The following CYBA variants were observed in gnomAD, a reference collection of about 807,000 sequenced individuals.
CYBA encodes cytochrome b-245 alpha chain, also known as cytochrome b-245 light chain.
In CYBA, 21 loss-of-function variants were observed where a neutral mutation model predicts 20.8. The observed-to-expected ratio is 1.01, with a 90% CI of 0.72 to 1.46. The LOEUF (loss-of-function observed/expected upper bound fraction) is 1.46. CYBA is among the 40% of genes most tolerant of loss of function. The pLI is 0.00. For missense variants in CYBA, 344 were observed against 287.0 expected (o/e 1.20, Z -1.43); for synonymous variants, 164 against 127.5 (o/e 1.29, Z -1.93).
chr16:88,650,702 G>A, intron 1 of CYBA: 1 of 617,462 alleles, frequency 1.6e-6, no homozygotes, highest in Non-Finnish European at 2.9e-6. Context: ...GGGGGACCGA[G>A]AGAAGGGAAT....
intron 1 of CYBA, among the ~76,000 whole-genome samples, chr16:88,649,896 C>G (rs921473534): frequency 4.6e-5 from 7 of 152,156 alleles, no homozygotes; most frequent in Non-Finnish European, 1.0e-4. Flanking sequence ...GTAGGGAGTG[C>G]GGGGCAGGCA....
rs1282809585 is a variant in CYBA at position 88,647,188 on chromosome 16, G to A, written c.129-13C>T. On this transcript the variant is annotated splice_polypyrimidine_tract_variant and intron_variant, in intron 2 of 5. Transcript: ENST00000261623. ...CACGCCCGCCACACTGAAGCCATGT[G>A]GTTAAGGAACAGCCCAGCTCAGCCT... 1 of 1,611,420 alleles carries A rather than the reference G, an allele frequency of 6.2e-7. No homozygotes were observed. Among genetic ancestry groups the A allele is most frequent in the Non-Finnish European group, 8.5e-7 (1 of 1,179,766 alleles).
chr16:88,644,688 G>C (rs925128696), intron 5 of CYBA: 1 of 174,848 alleles, frequency 5.7e-6, no homozygotes, highest in Admixed American at 5.4e-5. Context: ...AGCCAGGCAT[G>C]GTGGCACGTG....
At chr16:88,646,688 G>T in intron 4 of CYBA, 67 bp downstream of exon 4, 2 of 1,417,820 alleles carry the variant, frequency 1.4e-6, no homozygotes, top group Non-Finnish European at 2.0e-6. Flanking sequence ...CCCGGCCGGT[G>T]GGACAGTGGG....
Position 88,650,290 on chromosome 16 carries a change from G to C in CYBA, c.58+666C>G, listed in dbSNP as rs1231647923. ...AGACACTCCCTGGCCCTGGTCCCGA[G>C]AGGGTCCATTTCCAAATGGAGTCCG... On this transcript the variant is annotated intron_variant, in intron 1 of 5. Transcript: ENST00000261623. 9.1e-6 allele frequency: 4 copies of C among 438,510 alleles called. No individual in the cohort carries two copies. The East Asian group carries it at 2.1e-4, about 23-fold the overall frequency. The allele number at this position is 438,510 out of a possible 1,614,324, so 27.2% of individuals were successfully genotyped here. A position where few individuals can be genotyped will look rare whatever the true frequency, so the allele number is the denominator to read the frequency against.
At chr16:88,649,226 T>G (rs913668226) in intron 1 of CYBA, among the ~76,000 whole-genome samples, 17 of 152,358 alleles carry the variant, frequency 1.1e-4, no homozygotes, top group Admixed American at 2.6e-4. Flanking sequence ...TGTAGCCACC[T>G]TGCCCTGCCA....
At chr16:88,646,598 C>T (rs1225527296) in intron 4 of CYBA, 157 bp downstream of exon 4, 3 of 737,602 alleles carry the variant, frequency 4.1e-6, no homozygotes, top group Non-Finnish European at 4.9e-6. Context: ...ACAGCAGACA[C>T]AGGCCCTGCC....
chr16:88,646,066 G>A, intron 5 of CYBA, 50 bp downstream of exon 5: 1 of 1,468,956 alleles, frequency 6.8e-7, no homozygotes, highest in Non-Finnish European at 9.3e-7. Flanking sequence ...TGTCAGGGCA[G>A]GGGCTGGGGA....
chr16:88,645,864 A>AC, intron 5 of CYBA: 1 of 578,964 alleles, frequency 1.7e-6, no homozygotes, highest in Non-Finnish European at 3.1e-6. Flanking sequence ...GGACCCCAGT[A>AC]CCCCTCCCAG....
intron 3 of CYBA, 41 bp downstream of exon 3, chr16:88,647,060 C>G (rs758314560): frequency 4.5e-6 from 7 of 1,570,494 alleles, no homozygotes; most frequent in African/African-American, 1.4e-5. Flanking sequence ...TGCCTGGGCC[C>G]CGCAGCCCCC....
At chr16:88,645,189 G>A (rs1182528003) in intron 5 of CYBA, 1 of 702,240 alleles carries the variant, frequency 1.4e-6, no homozygotes, top group Admixed American at 2.0e-5. Context: ...GCAGCAGGGA[G>A]ACGGGGGGGA....
chr16:88,650,332 C>G (rs551086702), intron 1 of CYBA: 3 of 456,056 alleles, frequency 6.6e-6, no homozygotes, highest in East Asian at 7.0e-5. Flanking sequence ...TCACCAGAAC[C>G]TCTGAGCAAA....
At position 88,643,712 on chromosome 16, in the gene CYBA, A is replaced by G. The variant is rs984146287; in HGVS notation, c.370-141T>C. 3.6e-6 allele frequency: 3 copies of G among 830,906 alleles called. No individual in the cohort carries two copies. In the African/African-American group the frequency reaches 5.3e-5, roughly 15 times the overall value. The allele number at this position is 830,906 out of a possible 1,614,324, so 51.5% of individuals were successfully genotyped here. On this transcript the variant is annotated intron_variant, in intron 5 of 5. Coordinates refer to ENST00000261623, the MANE Select transcript of CYBA (RefSeq NM_000101.4). The surrounding 1 kb of genome is among the most constrained non-coding windows in gnomAD (Gnocchi z 4.3). Reference sequence around the variant, plus strand: ...GCAGGATGGTGTGACTGCCACTCAGAGAGGTTAAGTGACGCGCCCGAGGCC... The same window carrying G: ...GCAGGATGGTGTGACTGCCACTCAGGGAGGTTAAGTGACGCGCCCGAGGCC...
chr16:88,645,558 C>A, intron 5 of CYBA: 1 of 639,176 alleles, frequency 1.6e-6, no homozygotes, highest in South Asian at 1.8e-5. Flanking sequence ...TCACCCAAGG[C>A]CTGGCCAGGC....
chr16:88,644,586 A>T (rs1160556141), intron 5 of CYBA, among the ~76,000 whole-genome samples: 1 of 152,252 alleles, frequency 6.6e-6, no homozygotes. Context: ...GCACTTTGGG[A>T]GGCCGAGGCG....
chr16:88,643,723 G>A lies in CYBA; in HGVS notation c.370-152C>T. ...TGACTGCCACTCAGAGAGGTTAAGTGACGCGCCCGAGGCCACACAGCCAGG... is the reference window on the plus strand; with the variant it reads ...TGACTGCCACTCAGAGAGGTTAAGTAACGCGCCCGAGGCCACACAGCCAGG... On this transcript the variant is annotated intron_variant, in intron 5 of 5. Transcript: ENST00000261623. This position sits in a 1 kb window ranked among gnomAD's most constrained non-coding sequence, Gnocchi z 4.3. 1.3e-6 allele frequency: 1 copy of A among 758,128 alleles called. No homozygotes were observed. Among genetic ancestry groups the A allele is most frequent in the African/African-American group, 1.8e-5 (1 of 55,924 alleles). 47.0% of individuals were successfully genotyped at this position (758,128 alleles called of 1,614,324 possible). A position where few individuals can be genotyped will look rare whatever the true frequency, so the allele number is the denominator to read the frequency against.
intron 1 of CYBA, chr16:88,650,482 A>T (rs1004276241): frequency 2.2e-6 from 1 of 464,000 alleles, no homozygotes; most frequent in Non-Finnish European, 4.3e-6. Context: ...ACTCCAGATG[A>T]GAAGGGCTGA....
chr16:88,643,401 CG>C lies in CYBA; in HGVS notation c.539del (p.Pro180ArgfsTer11). 1 of 1,530,344 alleles carries C rather than the reference CG, an allele frequency of 6.5e-7. No individual in the cohort carries two copies. Among genetic ancestry groups the C allele is most frequent in the Non-Finnish European group, 8.8e-7 (1 of 1,140,984 alleles). The allele number at this position is 1,530,344 out of a possible 1,614,324, so 94.8% of individuals were successfully genotyped here. A position where few individuals can be genotyped will look rare whatever the true frequency, so the allele number is the denominator to read the frequency against. On this transcript the variant is annotated frameshift_variant, in exon 6 of 6. Transcript: ENST00000261623. The surrounding 1 kb of genome is among the most constrained non-coding windows in gnomAD (Gnocchi z 4.3). ...EEAAVAAGGP[P>X]GGPQVNPIPV... ...GGATGGGGTTGACCTGGGGACCTCC[CG>C]GGGGTCCCCCCGCCGCCACCGCAGC...
In CYBA at chr16:88,646,922, C is replaced by A. The variant is rs968485853; in HGVS notation, c.204-84G>T. The stretch of plus-strand genomic sequence containing the variant: ...TGCTGCCCTGCTGACCACCCCAGGG[C>A]ACCCAGGCCTCTTTCCTCCCACAAA... On this transcript the variant is annotated intron_variant, in intron 3 of 5. Coordinates refer to ENST00000261623, the MANE Select transcript of CYBA (RefSeq NM_000101.4). 3.7e-5 allele frequency: 47 copies of A among 1,281,160 alleles called. 2 individuals carry two copies. The South Asian group carries it at 5.6e-4, about 15-fold the overall frequency. 79.4% of individuals were successfully genotyped at this position (1,281,160 alleles called of 1,614,324 possible).
Sources: allele counts gnomAD v4.1 joint callset (sites outside exome capture counted in the v4.1 genomes callset), GRCh38; gene constraint gnomAD v4.1.1; non-coding constraint Gnocchi (gnomAD v3.1); transcripts MANE v1.5; gene names NCBI Gene and HGNC (gene_info 2026-07-23, HGNC 2026-07-21).